Variants in CSMD2 observed in about 807,000 individuals in gnomAD.
CSMD2 encodes the protein CUB and sushi domain-containing protein 2.
Under a neutral mutation model 398.5 loss-of-function variants are expected in CSMD2, and 130 were observed. That is an observed-to-expected ratio of 0.33 (90% confidence interval 0.28 to 0.38). The LOEUF is 0.38. CSMD2 is among the 10% of genes least tolerant of loss of function. CSMD2 has a pLI of 1.00. For synonymous variants in CSMD2, 1,828 were observed against 1,908.5 expected (o/e 0.96, Z 1.10); for missense variants, 3,829 against 4,764.9 (o/e 0.80, Z 5.78).
At chr1:33,880,080 C>T (rs891071826) in intron 5 of CSMD2, among the ~76,000 whole-genome samples, 1 of 152,096 alleles carries the variant, frequency 6.6e-6, no homozygotes, top group African/African-American at 2.4e-5. Flanking sequence ...AACAGCTAGT[C>T]AGTGGATGAG....
chr1:33,713,045 G>A (rs763488976), intron 21 of CSMD2, among the ~76,000 whole-genome samples: 6 of 152,230 alleles, frequency 3.9e-5, no homozygotes, highest in Admixed American at 6.5e-5. Flanking sequence ...ATAATTATAT[G>A]CCACCTCTTG....
intron 62 of CSMD2, 142 bp from the exon 63 acceptor site, chr1:33,534,049 T>A (rs564592577): frequency 3.3e-6 from 2 of 603,574 alleles, no homozygotes; most frequent in Non-Finnish European, 3.0e-6. Context: ...CCTGGTTAAA[T>A]TTTCTTCTTC....
intron 2 of CSMD2, among the ~76,000 whole-genome samples, chr1:34,075,896 T>C (rs560001395): frequency 6.6e-6 from 1 of 152,334 alleles, no homozygotes; most frequent in South Asian, 2.1e-4. Flanking sequence ...CTTGCTAATT[T>C]CCAAACTCCT....
chr1:33,888,876 T>G (rs1172976106), intron 5 of CSMD2, among the ~76,000 whole-genome samples: 1 of 152,078 alleles, frequency 6.6e-6, no homozygotes, highest in Non-Finnish European at 1.5e-5. Flanking sequence ...CATGCCATTC[T>G]CCTGCCTCAG....
chr1:34,050,303 A>C (rs992007973), intron 2 of CSMD2, among the ~76,000 whole-genome samples: 1 of 152,206 alleles, frequency 6.6e-6, no homozygotes, highest in Non-Finnish European at 1.5e-5. Context: ...ACAGACACTT[A>C]TTTTGGATAT....
intron 37 of CSMD2, among the ~76,000 whole-genome samples, chr1:33,621,370 T>C (rs1174309306): frequency 4.6e-5 from 7 of 152,124 alleles, no homozygotes; most frequent in Non-Finnish European, 1.5e-5. Context: ...TTCTCTACCA[T>C]CTAGAGCCAT....
intron 10 of CSMD2, among the ~76,000 whole-genome samples, chr1:33,798,528 G>T (rs2124908999): frequency 6.6e-6 from 1 of 152,334 alleles, no homozygotes; most frequent in East Asian, 1.9e-4. Flanking sequence ...TGTGGGCTCA[G>T]CCCAGGCTAC....
Position 33,518,415 on chromosome 1 carries a change from G to A in CSMD2, c.*53+1050C>T, listed in dbSNP as rs185577472. 7.2e-5 allele frequency among the ~76,000 whole-genome samples: 11 copies of A among 152,100 alleles called. No homozygotes were observed. The highest frequency in any genetic ancestry group is 2.1e-4 in the South Asian group (1 of 4,824). ...TGTGTGTGTGTGTGTGTGCATGACC[G>A]TGTACACGTGTGGGTGTGTCTGCCC... On this transcript the variant is annotated intron_variant, in intron 70 of 70. Transcript: ENST00000373381. The surrounding 1 kb of genome is among the most constrained non-coding windows in gnomAD (Gnocchi z 4.3).
At chr1:34,007,203 C>A (rs903589748) in intron 3 of CSMD2, among the ~76,000 whole-genome samples, 1 of 152,142 alleles carries the variant, frequency 6.6e-6, no homozygotes, top group Non-Finnish European at 1.5e-5. Context: ...CTGAGCATCA[C>A]GCCTGACCTC....
At chr1:33,801,945 T>C (rs1655658602) in intron 10 of CSMD2, among the ~76,000 whole-genome samples, 1 of 152,168 alleles carries the variant, frequency 6.6e-6, no homozygotes, top group Non-Finnish European at 1.5e-5. Context: ...GACAGAAGTT[T>C]AGCTGGTCAG....
intron 2 of CSMD2, among the ~76,000 whole-genome samples, chr1:34,044,521 C>T (rs1252682695): frequency 6.6e-6 from 1 of 151,866 alleles, no homozygotes; most frequent in African/African-American, 2.4e-5. Flanking sequence ...GTTGCTACAA[C>T]AATCATGAGG....
intron 1 of CSMD2, among the ~76,000 whole-genome samples, chr1:34,091,082 C>T (rs1658503137): frequency 6.6e-6 from 1 of 152,160 alleles, no homozygotes; most frequent in Admixed American, 6.5e-5. Flanking sequence ...CACTACTACA[C>T]AGTGTCATGA....
At chr1:33,725,312 C>T (rs747035884) in intron 17 of CSMD2, 37 bp downstream of exon 17, 1 of 1,597,260 alleles carries the variant, frequency 6.3e-7, no homozygotes, top group South Asian at 1.1e-5. Context: ...CCTGGGCTGA[C>T]CTTGTCATCC....
intron 39 of CSMD2, 76 bp from the exon 40 acceptor site, chr1:33,614,696 C>T (rs1011644473): frequency 2.6e-6 from 2 of 782,876 alleles, no homozygotes; most frequent in Non-Finnish European, 4.3e-6. Context: ...TTTGGAAGCT[C>T]CCTTCAAGCA....
intron 4 of CSMD2, among the ~76,000 whole-genome samples, chr1:33,923,327 T>G (rs1644014723): frequency 6.6e-6 from 1 of 152,086 alleles, no homozygotes; most frequent in African/African-American, 2.4e-5. Context: ...TTTAAAATTG[T>G]GTGGCACCTC....
intron 13 of CSMD2, among the ~76,000 whole-genome samples, chr1:33,752,201 T>C (rs568776587): frequency 1.3e-5 from 2 of 152,366 alleles, no homozygotes; most frequent in South Asian, 4.1e-4. Context: ...GTTTGGTTTT[T>C]TGTCTCCTCC....
chr1:33,847,110 G>A (rs1192724587), intron 5 of CSMD2, 114 bp from the exon 6 acceptor site: 1 of 634,904 alleles, frequency 1.6e-6, no homozygotes, highest in Non-Finnish European at 2.7e-6. Flanking sequence ...CCCAGCTCTG[G>A]AGCAGGAAGG....
In CSMD2 at chr1:33,944,229, C is replaced by A. The variant is rs575987557; in HGVS notation, c.518-8275G>T. Among the ~76,000 whole-genome samples the A allele has an allele frequency of 2.0e-5, 3 of 149,738 alleles. No individual in the cohort carries two copies. The East Asian group carries it at 5.9e-4, about 29-fold the overall frequency. ...AGGCATATGATTCATATCTCAGGAA[C>A]GCCCCCCCCCCAACTCCTGTGATAA... On this transcript the variant is annotated intron_variant, in intron 3 of 70. Coordinates refer to ENST00000373381, the MANE Select transcript of CSMD2 (RefSeq NM_001281956.2).
intron 53 of CSMD2, among the ~76,000 whole-genome samples, chr1:33,562,725 T>A (rs938892155): frequency 3.7e-4 from 57 of 152,078 alleles, no homozygotes; most frequent in African/African-American, 1.4e-3. Flanking sequence ...AGGCTTTGAG[T>A]GAAATAGATT....
Sources: allele counts gnomAD v4.1 joint callset (sites outside exome capture counted in the v4.1 genomes callset), GRCh38; gene constraint gnomAD v4.1.1; non-coding constraint Gnocchi (gnomAD v3.1); transcripts MANE v1.5; gene names NCBI Gene and HGNC (gene_info 2026-07-23, HGNC 2026-07-21).